Variants in DACH2 observed in about 807,000 individuals in gnomAD.
DACH2 encodes dachshund homolog 2.
DACH2 carries 17 observed loss-of-function variants against 35.8 expected under a neutral mutation model. That is an observed-to-expected ratio of 0.48 (90% CI 0.33 to 0.71). The LOEUF (loss-of-function observed/expected upper bound fraction) is 0.71. Ranked by LOEUF, DACH2 falls within the 30% of genes least tolerant of loss-of-function variation. The pLI is 0.02. For missense variants in DACH2, 469 were observed against 472.7 expected, an observed-to-expected ratio of 0.99 and a Z score of 0.07; for synonymous variants, 195 against 177.3, an observed-to-expected ratio of 1.10 and a Z score of -0.79.
chrX:86,344,452 C>T (rs2035465509), intron 1 of DACH2, among the ~76,000 whole-genome samples: 1 of 108,871 alleles, frequency 9.2e-6, no homozygotes, highest in Non-Finnish European at 1.9e-5. Context: ...AGGCTTGAAA[C>T]CTTATGTTTA....
chrX:86,773,467 A>T (rs182387491), intron 7 of DACH2, among the ~76,000 whole-genome samples: 1 of 112,111 alleles, frequency 8.9e-6, no homozygotes, highest in Admixed American at 9.5e-5. Flanking sequence ...GCTTGGTTTA[A>T]CACAAATCTG....
At chrX:86,322,380 A>G (rs906753224) in intron 1 of DACH2, among the ~76,000 whole-genome samples, 1 of 110,823 alleles carries the variant, frequency 9.0e-6, no homozygotes, top group Admixed American at 9.5e-5. Flanking sequence ...AAGAGACAAG[A>G]TAAAAGGCAT....
At chrX:86,324,141 G>C (rs775944929) in intron 1 of DACH2, among the ~76,000 whole-genome samples, 1 of 111,875 alleles carries the variant, frequency 8.9e-6, no homozygotes, top group East Asian at 2.8e-4. Context: ...GCTTCTTTTT[G>C]TTAGATGGAA....
intron 1 of DACH2, among the ~76,000 whole-genome samples, chrX:86,158,335 A>G (rs1440809097): frequency 9.0e-6 from 1 of 111,347 alleles, no homozygotes; most frequent in Non-Finnish European, 1.9e-5. Flanking sequence ...TGTTTGGGAC[A>G]AGGTCTGGCT....
At chrX:86,546,320 T>TTTCTTCTTCTTCTTCCTC (rs1569435553) in intron 3 of DACH2, among the ~76,000 whole-genome samples, 1 of 78,956 alleles carries the variant, frequency 1.3e-5, no homozygotes, top group African/African-American at 4.5e-5. Context: ...CTCCTACCTC[T>TTTCTTCTTCTTCTTCCTC]TTCTTCTTCT....
chrX:86,272,489 T>C lies in DACH2; in HGVS notation c.489-104335T>C, dbSNP rs369740800. On this transcript the variant is annotated intron_variant, in intron 1 of 11. Coordinates refer to ENST00000373125, the MANE Select transcript of DACH2 (RefSeq NM_053281.3). ...AGCAACAACAATGAGAAAAATAGCTTTGTATAAAAACCAGCCATGAAGAAA... is the reference window on the plus strand; with the variant it reads ...AGCAACAACAATGAGAAAAATAGCTCTGTATAAAAACCAGCCATGAAGAAA... Among the ~76,000 whole-genome samples the C allele has an allele frequency of 1.6e-4, 18 of 111,398 alleles. No individual in the cohort carries two copies. In the South Asian group the frequency reaches 5.7e-3, roughly 35 times the overall value.
intron 1 of DACH2, among the ~76,000 whole-genome samples, chrX:86,216,672 G>C (rs1321617333): frequency 8.9e-6 from 1 of 112,017 alleles, no homozygotes; most frequent in Non-Finnish European, 1.9e-5. Context: ...TGTGATGAGA[G>C]TTACTAGTTG....
At chrX:86,807,170 AG>A (rs1274454603) in intron 7 of DACH2, among the ~76,000 whole-genome samples, 2 of 111,868 alleles carry the variant, frequency 1.8e-5, no homozygotes, top group Non-Finnish European at 3.8e-5. Context: ...TACCTAGAGA[AG>A]GGTATTTCCA....
intron 4 of DACH2, among the ~76,000 whole-genome samples, chrX:86,687,123 T>G (rs115755501): frequency 0.013 from 1,454 of 112,201 alleles, 23 homozygotes; most frequent in African/African-American, 0.044. Flanking sequence ...AATCCAGAAA[T>G]AAATTTGTTC....
At chrX:86,468,565 A>G (rs1167326833) in intron 2 of DACH2, among the ~76,000 whole-genome samples, 3 of 111,702 alleles carry the variant, frequency 2.7e-5, no homozygotes, top group African/African-American at 9.8e-5. Flanking sequence ...TTTCTCCTTG[A>G]GTTTCATGCT....
intron 1 of DACH2, among the ~76,000 whole-genome samples, chrX:86,283,807 G>A (rs939496377): frequency 1.9e-5 from 2 of 107,987 alleles, no homozygotes; most frequent in South Asian, 4.1e-4. Flanking sequence ...AACCACCATG[G>A]CAGTTGTATA....
rs1569469396 is a variant in DACH2, at chrX:86,698,533, T to TTTTTTTTTTTTTTG, written c.931+3367_931+3368insGTTTTTTTTTTTTT. Among the ~76,000 whole-genome samples the TTTTTTTTTTTTTTG allele has an allele frequency of 6.0e-4, 38 of 63,024 alleles. 2 individuals are homozygous for TTTTTTTTTTTTTTG. Among genetic ancestry groups the TTTTTTTTTTTTTTG allele is most frequent in the African/African-American group, 1.9e-3 (32 of 16,600 alleles). The allele number at this position is 63,024 out of a possible 115,157, so 54.7% of individuals were successfully genotyped here. On this transcript the variant is annotated intron_variant, in intron 5 of 11. Transcript: ENST00000373125. Reference sequence around the variant, plus strand: ...TTGTTAGTTTTGTGTTTTTTTTTTTTTTTTTTTTTTTTTTTACAGGGTCTC... The same window carrying TTTTTTTTTTTTTTG: ...TTGTTAGTTTTGTGTTTTTTTTTTTTTTTTTTTTTTTTTGTTTTTTTTTTTTTTTACAGGGTCTC...
At chrX:86,754,816 TC>T (rs2041810884) in intron 7 of DACH2, among the ~76,000 whole-genome samples, 1 of 111,994 alleles carries the variant, frequency 8.9e-6, no homozygotes, top group Admixed American at 9.5e-5. Context: ...ATTTTCTTTA[TC>T]CATTTATCTG....
chrX:86,570,001 T>C (rs966242662), intron 3 of DACH2, among the ~76,000 whole-genome samples: 2 of 111,695 alleles, frequency 1.8e-5, no homozygotes, highest in East Asian at 2.8e-4. Context: ...ATGAACATCA[T>C]TGATCGTTAG....
chrX:86,606,728 A>G (rs2039863652), intron 3 of DACH2, among the ~76,000 whole-genome samples: 1 of 111,491 alleles, frequency 9.0e-6, no homozygotes, highest in Non-Finnish European at 1.9e-5. Flanking sequence ...TATAGTGCAG[A>G]TTAAAACTGA....
intron 3 of DACH2, among the ~76,000 whole-genome samples, chrX:86,550,073 G>C (rs5968943): frequency 4.5e-5 from 5 of 110,276 alleles, no homozygotes; most frequent in African/African-American, 6.6e-5. Context: ...GTAACCCTTG[G>C]AATCTAATGG....
intron 7 of DACH2, among the ~76,000 whole-genome samples, chrX:86,796,255 C>T (rs775464291): frequency 1.8e-5 from 2 of 111,476 alleles, no homozygotes; most frequent in Admixed American, 1.9e-4. Flanking sequence ...GTTTACAAAC[C>T]TTTACCTAGA....
At chrX:86,805,805 C>A (rs989396894) in intron 7 of DACH2, among the ~76,000 whole-genome samples, 52 of 112,168 alleles carry the variant, frequency 4.6e-4, no homozygotes, top group African/African-American at 1.7e-3. Flanking sequence ...CACAATGCAG[C>A]AAGGCTCTTT....
chrX:86,425,143 G>A (rs761034203), intron 2 of DACH2, among the ~76,000 whole-genome samples: 1 of 110,372 alleles, frequency 9.1e-6, no homozygotes, highest in African/African-American at 3.3e-5. Context: ...CTCTTTTTTT[G>A]TGTGTGTGTC....
Sources: allele counts gnomAD v4.1 joint callset (sites outside exome capture counted in the v4.1 genomes callset), GRCh38; gene constraint gnomAD v4.1.1; transcripts MANE v1.5; gene names NCBI Gene and HGNC (gene_info 2026-07-23, HGNC 2026-07-21).